The following ZFAND3 variants were observed in gnomAD, a reference collection of about 807,000 sequenced individuals.
The protein encoded by ZFAND3 is AN1-type zinc finger protein 3.
Under a neutral mutation model 29.6 loss-of-function variants are expected in ZFAND3, and 10 were observed. The observed-to-expected ratio is 0.34, with a 90% CI of 0.21 to 0.57. The LOEUF (loss-of-function observed/expected upper bound fraction) is 0.57, where lower values mean the gene tolerates loss of function less well. ZFAND3 is among the 20% of genes least tolerant of loss of function. The pLI, the probability that ZFAND3 is intolerant of heterozygous loss-of-function variation, is 0.86. For synonymous variants in ZFAND3, 128 were observed against 112.6 expected (o/e 1.14, Z -0.87); for missense variants, 230 against 304.5 (o/e 0.76, Z 1.82).
At position 38,092,650 on chromosome 6, in the gene ZFAND3, T is replaced by C. The variant is rs944935209; in HGVS notation, c.361+10193T>C. 2.6e-5 allele frequency among the ~76,000 whole-genome samples: 4 copies of C among 152,030 alleles called. 1 individual carries two copies. Among genetic ancestry groups the C allele is most frequent in the Admixed American group, 6.6e-5 (1 of 15,262 alleles). ...TTTCCAGTGAATGGAAAACTTCAAA[T>C]GTGACTTGGCAATGCTTTTGAGTAG... On this transcript the variant is annotated intron_variant, in intron 4 of 5. Coordinates refer to ENST00000287218, the MANE Select transcript of ZFAND3 (RefSeq NM_021943.3).
intron 1 of ZFAND3, among the ~76,000 whole-genome samples, chr6:37,848,199 T>C (rs1220785668): frequency 5.9e-5 from 9 of 152,260 alleles, no homozygotes; most frequent in African/African-American, 1.9e-4. Flanking sequence ...GCAACCTGGA[T>C]TGGGCACTCA....
chr6:37,825,181 T>A (rs1763736055), intron 1 of ZFAND3, among the ~76,000 whole-genome samples: 1 of 152,184 alleles, frequency 6.6e-6, no homozygotes, highest in African/African-American at 2.4e-5. Flanking sequence ...GTCTCCCAAT[T>A]GTAACATGTT....
chr6:38,101,759 C>G (rs2145888), intron 4 of ZFAND3, among the ~76,000 whole-genome samples: 1 of 112,436 alleles, frequency 8.9e-6, no homozygotes, highest in Admixed American at 1.4e-4. Flanking sequence ...GGCAACAGAG[C>G]GAGACTCCCT....
rs528082355 is a variant in ZFAND3 at position 38,066,033 on chromosome 6, A to T, written c.295+4258A>T. On this transcript the variant is annotated intron_variant, in intron 3 of 5. Transcript: ENST00000287218. The stretch of plus-strand genomic sequence containing the variant: ...GCTTGTTCTCCCCAACAGGTGCATA[A>T]GAATTTTGGGGTGGAAGGGGGGAAG... Among the ~76,000 whole-genome samples, 3 of 152,264 alleles carry T rather than the reference A, an allele frequency of 2.0e-5. No individual in the cohort carries two copies. The East Asian group carries it at 5.8e-4, about 29-fold the overall frequency.
chr6:38,079,509 T>C (rs1764616949), intron 3 of ZFAND3, among the ~76,000 whole-genome samples: 1 of 151,946 alleles, frequency 6.6e-6, no homozygotes, highest in African/African-American at 2.4e-5. Flanking sequence ...GATTCTCTTA[T>C]TTGATAATCC....
intron 1 of ZFAND3, among the ~76,000 whole-genome samples, chr6:37,853,755 C>T (rs1249810295): frequency 6.6e-6 from 1 of 151,928 alleles, no homozygotes; most frequent in Non-Finnish European, 1.5e-5. Flanking sequence ...TACTAAAACC[C>T]CTAAGAATCT....
intron 4 of ZFAND3, among the ~76,000 whole-genome samples, chr6:38,113,039 C>T (rs1404050181): frequency 6.6e-6 from 1 of 152,108 alleles, no homozygotes. Context: ...TACCCTCGCT[C>T]TTGGTGGCAG....
chr6:38,136,932 T>C (rs1470108529), intron 5 of ZFAND3, among the ~76,000 whole-genome samples: 26 of 152,246 alleles, frequency 1.7e-4, no homozygotes, highest in Admixed American at 1.7e-3. Context: ...GCTAGGTTTA[T>C]GTTAATACTC....
intron 2 of ZFAND3, among the ~76,000 whole-genome samples, chr6:37,983,229 C>T (rs1201371377): frequency 1.3e-5 from 2 of 151,838 alleles, no homozygotes; most frequent in African/African-American, 2.4e-5. Context: ...TTATAAACCC[C>T]ACAGTAATGT....
chr6:38,029,731 TACAA>T (rs1191184587), intron 2 of ZFAND3, among the ~76,000 whole-genome samples: 2 of 152,080 alleles, frequency 1.3e-5, no homozygotes, highest in Non-Finnish European at 2.9e-5. Flanking sequence ...ATCAGGGAAA[TACAA>T]AGAAAATATG....
chr6:37,989,547 C>T (rs1270984620), intron 2 of ZFAND3, among the ~76,000 whole-genome samples: 2 of 152,188 alleles, frequency 1.3e-5, no homozygotes, highest in Non-Finnish European at 2.9e-5. Flanking sequence ...CCACAAGTCA[C>T]CACTTTCTAA....
chr6:37,950,864 T>G (rs1005777195), intron 2 of ZFAND3, among the ~76,000 whole-genome samples: 2 of 152,218 alleles, frequency 1.3e-5, no homozygotes, highest in African/African-American at 4.8e-5. Flanking sequence ...CTTTTTTGGT[T>G]CCATATGAAT....
intron 2 of ZFAND3, among the ~76,000 whole-genome samples, chr6:37,947,833 T>C (rs1581784286): frequency 6.6e-6 from 1 of 152,214 alleles, no homozygotes; most frequent in East Asian, 1.9e-4. Flanking sequence ...TGGTTAAATC[T>C]TCAGTATTTA....
rs1763142063 is a variant in ZFAND3, at chr6:38,011,024, T to G, written c.113-50569T>G. On this transcript the variant is annotated intron_variant, in intron 2 of 5. Transcript: ENST00000287218. ...GTCTCAAGTAGCTGGCACTTACAGG[T>G]GCATGCCAATGACTGGCTCATTTTG... 2.0e-5 allele frequency among the ~76,000 whole-genome samples: 3 copies of G among 151,698 alleles called. No individual in the cohort carries two copies. The South Asian group carries it at 6.3e-4, about 32-fold the overall frequency.
chr6:38,135,543 G>A (rs1397666403), intron 5 of ZFAND3, among the ~76,000 whole-genome samples: 4 of 152,136 alleles, frequency 2.6e-5, no homozygotes, highest in African/African-American at 9.7e-5. Flanking sequence ...TCAGGAGTTC[G>A]AGACAAACCT....
chr6:38,053,663 C>T (rs1764074634), intron 2 of ZFAND3, among the ~76,000 whole-genome samples: 1 of 152,188 alleles, frequency 6.6e-6, no homozygotes, highest in Non-Finnish European at 1.5e-5. Flanking sequence ...TGCACCACTA[C>T]ATTCCAGCCT....
chr6:38,010,912 T>TTTTTG (rs1763139060), intron 2 of ZFAND3, among the ~76,000 whole-genome samples: 1 of 151,020 alleles, frequency 6.6e-6, no homozygotes, highest in African/African-American at 2.4e-5. Flanking sequence ...AACTTTTTTT[T>TTTTTG]TTTTTTTTTT....
intron 1 of ZFAND3, among the ~76,000 whole-genome samples, chr6:37,877,580 G>T (rs1022414660): frequency 6.6e-6 from 1 of 152,188 alleles, no homozygotes; most frequent in Non-Finnish European, 1.5e-5. Flanking sequence ...TTCTAGTTTA[G>T]CACTGAGCAA....
At chr6:38,070,866 C>CT (rs971182024) in intron 3 of ZFAND3, among the ~76,000 whole-genome samples, 4 of 150,540 alleles carry the variant, frequency 2.7e-5, no homozygotes, top group African/African-American at 4.9e-5. Context: ...GTTTCTTCTT[C>CT]TTTTTTTTTA....
Sources: allele counts gnomAD v4.1 joint callset (sites outside exome capture counted in the v4.1 genomes callset), GRCh38; gene constraint gnomAD v4.1.1; transcripts MANE v1.5; gene names NCBI Gene and HGNC (gene_info 2026-07-23, HGNC 2026-07-21).